Variants in XKR4 observed in about 807,000 individuals in gnomAD.
XKR4 encodes XK related 4, also known as XK-related protein 4.
In XKR4, 12 loss-of-function variants were observed where a neutral mutation model predicts 53.9. The observed-to-expected ratio is 0.22, with a 90% CI of 0.14 to 0.36. XKR4 has a LOEUF of 0.36. Ranked by LOEUF, XKR4 falls within the 10% of genes least tolerant of loss-of-function variation. The probability of loss-of-function intolerance (pLI) is 1.00; values close to 1 mark genes in which losing one functional copy is unlikely to be tolerated. For synonymous variants in XKR4, 354 were observed against 362.4 expected (o/e 0.98, Z 0.26); for missense variants, 799 against 859.5 (o/e 0.93, Z 0.88).
At chr8:55,480,448 C>A (rs569606807) in intron 2 of XKR4, among the ~76,000 whole-genome samples, 2 of 152,258 alleles carry the variant, frequency 1.3e-5, no homozygotes, top group African/African-American at 4.8e-5. Context: ...CAATATCATA[C>A]TGAATGGGCA....
chr8:55,512,844 C>G (rs1314285666), intron 2 of XKR4, among the ~76,000 whole-genome samples: 2 of 152,152 alleles, frequency 1.3e-5, no homozygotes, highest in African/African-American at 2.4e-5. Flanking sequence ...TCTCCCACCA[C>G]AGGTGTTCTT....
chr8:55,178,897 A>G (rs1364710431), intron 1 of XKR4, among the ~76,000 whole-genome samples: 1 of 152,188 alleles, frequency 6.6e-6, no homozygotes, highest in Non-Finnish European at 1.5e-5. Context: ...AGAATAATCC[A>G]AGACACTCCT....
At chr8:55,351,971 A>C (rs1351325928) in intron 1 of XKR4, among the ~76,000 whole-genome samples, 1 of 152,270 alleles carries the variant, frequency 6.6e-6, no homozygotes, top group Non-Finnish European at 1.5e-5. Flanking sequence ...AAAAGGATGC[A>C]TGTTAATTGA....
At chr8:55,180,690 C>T (rs1364985695) in intron 1 of XKR4, among the ~76,000 whole-genome samples, 2 of 152,138 alleles carry the variant, frequency 1.3e-5, no homozygotes, top group African/African-American at 4.8e-5. Flanking sequence ...CGCCACCACA[C>T]TTGGCTAATT....
chr8:55,179,333 C>A (rs765185263), intron 1 of XKR4, among the ~76,000 whole-genome samples: 44 of 152,166 alleles, frequency 2.9e-4, no homozygotes, highest in Admixed American at 1.3e-4. Context: ...GAGTGAGTGA[C>A]TGCTGTATGC....
chr8:55,204,323 G>A (rs1381969964), intron 1 of XKR4, among the ~76,000 whole-genome samples: 3 of 152,124 alleles, frequency 2.0e-5, no homozygotes, highest in Non-Finnish European at 4.4e-5. Context: ...ATTAAAAATG[G>A]AATTAAATGG....
At chr8:55,347,177 G>A (rs1396193432) in intron 1 of XKR4, among the ~76,000 whole-genome samples, 1 of 152,152 alleles carries the variant, frequency 6.6e-6, no homozygotes, top group Non-Finnish European at 1.5e-5. Context: ...TCCCTGCCAA[G>A]CTTGTCACTT....
chr8:55,204,280 G>A (rs994081283), intron 1 of XKR4, among the ~76,000 whole-genome samples: 11 of 152,090 alleles, frequency 7.2e-5, no homozygotes, highest in African/African-American at 2.4e-4. Context: ...TAAATCCAAA[G>A]TTATTGACCA....
At chr8:55,450,969 G>A (rs1805431712) in intron 2 of XKR4, 1 of 515,496 alleles carries the variant, frequency 1.9e-6, no homozygotes, top group South Asian at 1.8e-5. Flanking sequence ...GCTGGGCTCA[G>A]CAGTAGGGCA....
intron 2 of XKR4, chr8:55,450,309 C>T (rs550317329): frequency 2.8e-6 from 2 of 718,350 alleles, no homozygotes; most frequent in East Asian, 5.9e-5. Flanking sequence ...CCTCGGCCAG[C>T]ATCTCCTCAG....
intron 2 of XKR4, among the ~76,000 whole-genome samples, chr8:55,394,600 A>C (rs2129389109): frequency 6.6e-6 from 1 of 152,312 alleles, no homozygotes; most frequent in East Asian, 1.9e-4. Context: ...GGCATGGCGA[A>C]ATATCTTTCA....
At chr8:55,288,824 C>A (rs781449414) in intron 1 of XKR4, among the ~76,000 whole-genome samples, 13 of 152,202 alleles carry the variant, frequency 8.5e-5, no homozygotes, top group Non-Finnish European at 1.8e-4. Context: ...TCAATTCCCT[C>A]CATTCTTACC....
chr8:55,206,206 G>A (rs774764509), intron 1 of XKR4, among the ~76,000 whole-genome samples: 5 of 152,132 alleles, frequency 3.3e-5, no homozygotes, highest in Non-Finnish European at 5.9e-5. Context: ...GGGCCGGAGC[G>A]GGTTGCCACT....
At chr8:55,190,237 ATCAAGCC>A (rs1404474689) in intron 1 of XKR4, among the ~76,000 whole-genome samples, 8 of 152,224 alleles carry the variant, frequency 5.3e-5, no homozygotes, top group Non-Finnish European at 7.3e-5. Context: ...AGGAAGGACC[ATCAAGCC>A]CTGTGCTTCA....
intron 1 of XKR4, among the ~76,000 whole-genome samples, chr8:55,211,929 A>G (rs1817737215): frequency 6.6e-6 from 1 of 152,208 alleles, no homozygotes; most frequent in Non-Finnish European, 1.5e-5. Context: ...TTTTAGGGAG[A>G]CATAAGACAT....
intron 2 of XKR4, among the ~76,000 whole-genome samples, chr8:55,494,211 C>A (rs922133893): frequency 1.3e-5 from 2 of 152,254 alleles, no homozygotes; most frequent in African/African-American, 4.8e-5. Flanking sequence ...GAGGGCACAG[C>A]TGGACCAGGC....
intron 2 of XKR4, among the ~76,000 whole-genome samples, chr8:55,460,160 G>A (rs1032035118): frequency 2.0e-5 from 3 of 152,022 alleles, no homozygotes; most frequent in Non-Finnish European, 2.9e-5. Flanking sequence ...GGCAAATAAA[G>A]GAAACCGTAC....
chr8:55,235,858 G>T (rs1453671453), intron 1 of XKR4, among the ~76,000 whole-genome samples: 1 of 152,074 alleles, frequency 6.6e-6, no homozygotes, highest in Admixed American at 6.6e-5. Context: ...GCTTTGTTGG[G>T]CCTAGATAAC....
chr8:55,532,061 T>C lies in XKR4; in HGVS notation c.*7834T>C, dbSNP rs1287144241. ...ATTGTTAAAGATCACTATTAACTTG[T>C]ATAACTAATTTTCCTTATGTGAAAT... On this transcript the variant is annotated 3_prime_UTR_variant, in exon 3 of 3. Coordinates refer to ENST00000327381, the MANE Select transcript of XKR4 (RefSeq NM_052898.2). The C allele has an allele frequency of 1.3e-5, 2 of 152,244 alleles. No individual in the cohort carries two copies. The highest frequency in any genetic ancestry group is 2.9e-5 in the Non-Finnish European group (2 of 68,050). The allele number at this position is 152,244 out of a possible 1,614,324, so 9.4% of individuals were successfully genotyped here.
Sources: gnomAD v4.1 joint callset for allele counts (sites outside exome capture counted in the v4.1 genomes callset) on GRCh38, gnomAD v4.1.1 for gene constraint, MANE v1.5 for transcripts, NCBI Gene and HGNC (gene_info 2026-07-23, HGNC 2026-07-21) for gene names.